Variants in PHLPP1 observed in about 807,000 individuals in gnomAD.
The protein encoded by PHLPP1 is PH domain and leucine rich repeat protein phosphatase 1.
A neutral mutation model predicts 117.2 loss-of-function variants in PHLPP1; 42 were observed. The observed-to-expected ratio is 0.36, with a 90% CI of 0.28 to 0.46. The LOEUF is 0.46. Ranked by LOEUF, PHLPP1 falls within the 20% of genes least tolerant of loss-of-function variation. PHLPP1 has a pLI of 1.00. For synonymous variants in PHLPP1, 1,042 were observed against 970.7 expected, an observed-to-expected ratio of 1.07 and a Z score of -1.37; for missense variants, 2,084 against 2,241.9, an observed-to-expected ratio of 0.93 and a Z score of 1.42.
rs375892590 is a variant in PHLPP1, at chr18:62,860,483, G to A, written c.1948G>A (p.Glu650Lys). ...SSVDLSCCSLEHLPANLFYSQ... is the reference protein window; with the variant it reads ...SSVDLSCCSLKHLPANLFYSQ... ...AGTGGACCTCTCGTGTTGTAGCCTG[G>A]AACATCTGCCTGCCAACCTCTTCTA... The change falls in exon 4 of 17, where the codon GAA becomes AAA. Residue 650 changes from glutamate to lysine, a missense_variant. Glu to Lys is a moderately conservative substitution (Grantham distance 56, BLOSUM62 1). Around this residue, in one of 2 missense-constraint regions of PHLPP1, gnomAD observed 1,365 missense variants for 1,605.9 expected, o/e 0.85. Coordinates refer to ENST00000262719, the MANE Select transcript of PHLPP1 (RefSeq NM_194449.4). 2 of 1,613,750 alleles carry A rather than the reference G, an allele frequency of 1.2e-6. No homozygotes were observed. The highest frequency in any genetic ancestry group is 1.7e-6 in the Non-Finnish European group (2 of 1,179,866).
At chr18:62,806,192 A>C (rs1281945289) in intron 1 of PHLPP1, among the ~76,000 whole-genome samples, 1 of 152,194 alleles carries the variant, frequency 6.6e-6, no homozygotes, top group African/African-American at 2.4e-5. Context: ...TGATGTATGT[A>C]TAAACACTTA....
At chr18:62,870,513 A>G (rs185181861) in intron 4 of PHLPP1, among the ~76,000 whole-genome samples, 1 of 152,328 alleles carries the variant, frequency 6.6e-6, no homozygotes, top group Admixed American at 6.5e-5. Context: ...GGTAATCTCT[A>G]ATGTATGTTT....
intron 13 of PHLPP1, among the ~76,000 whole-genome samples, chr18:62,959,767 T>A (rs1467693049): frequency 6.6e-6 from 1 of 152,210 alleles, no homozygotes; most frequent in Non-Finnish European, 1.5e-5. Flanking sequence ...AAACCAAAGT[T>A]TGAAAAGCAC....
chr18:62,948,116 G>A (rs904230180), intron 12 of PHLPP1, among the ~76,000 whole-genome samples: 3 of 152,138 alleles, frequency 2.0e-5, no homozygotes, highest in Admixed American at 2.0e-4. Context: ...CCTGAGGTCA[G>A]GCTTTTGATA....
intron 1 of PHLPP1, among the ~76,000 whole-genome samples, chr18:62,774,906 A>G (rs1011413777): frequency 6.6e-6 from 1 of 151,860 alleles, no homozygotes; most frequent in Non-Finnish European, 1.5e-5. Context: ...CTATTTATCA[A>G]CCTCCTTTTC....
chr18:62,901,535 A>G (rs1186714236), intron 6 of PHLPP1, among the ~76,000 whole-genome samples: 2 of 151,926 alleles, frequency 1.3e-5, no homozygotes, highest in African/African-American at 4.8e-5. Context: ...CATTTTCCAT[A>G]GGTTTATTTT....
chr18:62,905,637 T>G (rs887979745), intron 8 of PHLPP1, among the ~76,000 whole-genome samples: 1 of 152,206 alleles, frequency 6.6e-6, no homozygotes, highest in Non-Finnish European at 1.5e-5. Flanking sequence ...TTTCAAAATT[T>G]TTTTTCAAAC....
At chr18:62,784,411 T>G (rs972735684) in intron 1 of PHLPP1, among the ~76,000 whole-genome samples, 21 of 152,174 alleles carry the variant, frequency 1.4e-4, no homozygotes, top group African/African-American at 5.1e-4. Flanking sequence ...TATTTTAGGC[T>G]TGAGGAGGGT....
intron 2 of PHLPP1, chr18:62,838,579 G>A (rs781132661): frequency 4.1e-6 from 2 of 485,954 alleles, no homozygotes; most frequent in Non-Finnish European, 7.3e-6. Flanking sequence ...GGGAAATATA[G>A]TAAAGATAAA....
intron 1 of PHLPP1, among the ~76,000 whole-genome samples, chr18:62,780,200 A>G (rs937767882): frequency 1.3e-5 from 2 of 152,236 alleles, no homozygotes; most frequent in African/African-American, 4.8e-5. Flanking sequence ...TTAACTGAAC[A>G]TTAAAACATC....
At chr18:62,782,600 TAA>T (rs933172809) in intron 1 of PHLPP1, among the ~76,000 whole-genome samples, 4 of 152,212 alleles carry the variant, frequency 2.6e-5, no homozygotes, top group African/African-American at 7.2e-5. Flanking sequence ...ATATTAACTA[TAA>T]GTGTTATATA....
At chr18:62,719,253 A>C (rs1910846597) in intron 1 of PHLPP1, among the ~76,000 whole-genome samples, 1 of 152,192 alleles carries the variant, frequency 6.6e-6, no homozygotes, top group Non-Finnish European at 1.5e-5. Context: ...CTAGAAGAAA[A>C]ATGCCTGATT....
At chr18:62,756,327 C>T (rs1163409229) in intron 1 of PHLPP1, among the ~76,000 whole-genome samples, 1 of 152,134 alleles carries the variant, frequency 6.6e-6, no homozygotes, top group Non-Finnish European at 1.5e-5. Flanking sequence ...TACCCAGCCA[C>T]CAGGGAGCTA....
At chr18:62,892,824 C>T (rs573295937) in intron 4 of PHLPP1, among the ~76,000 whole-genome samples, 144 of 147,910 alleles carry the variant, frequency 9.7e-4, no homozygotes, top group Middle Eastern at 3.6e-3. Context: ...TGCAGTGAGC[C>T]GAGATCGCAC....
Position 62,972,577 on chromosome 18 carries a change from G to A in PHLPP1, c.3624G>A (p.Val1208=), listed in dbSNP as rs763861479. 1.2e-6 allele frequency: 2 copies of A among 1,613,902 alleles called. No homozygotes were observed. The highest frequency in any genetic ancestry group is 2.2e-5 in the South Asian group (2 of 91,072). The change falls in exon 15 of 17, where the codon GTG becomes GTA. Residue 1208 remains valine (V), a synonymous_variant. Transcript: ENST00000262719. ...ACAACCGCGAAGCCCTGTATGGTGT[G>A]TTTGACGGAGACCGGAATGTGGAGG... ...FCDNREALYG[V]FDGDRNVEVP...
intron 13 of PHLPP1, 80 bp from the exon 14 acceptor site, chr18:62,963,288 T>C: frequency 1.1e-6 from 1 of 913,376 alleles, no homozygotes; most frequent in Non-Finnish European, 1.7e-6. Flanking sequence ...CAGGTGTATT[T>C]TTTATTTCTT....
At chr18:62,727,703 A>G (rs867413996) in intron 1 of PHLPP1, among the ~76,000 whole-genome samples, 1 of 151,798 alleles carries the variant, frequency 6.6e-6, no homozygotes, top group Non-Finnish European at 1.5e-5. Flanking sequence ...ATTAAAATCT[A>G]CAATATGGAG....
chr18:62,882,551 G>T (rs949794529), intron 4 of PHLPP1, among the ~76,000 whole-genome samples: 1 of 152,146 alleles, frequency 6.6e-6, no homozygotes, highest in Non-Finnish European at 1.5e-5. Context: ...GAGCCACCGC[G>T]CCCGGCCATT....
intron 14 of PHLPP1, 99 bp from the exon 15 acceptor site, chr18:62,972,415 G>A: frequency 9.3e-7 from 1 of 1,078,608 alleles, no homozygotes; most frequent in Non-Finnish European, 1.3e-6. Context: ...CATGAAGAAA[G>A]AGACAAAACT....
Sources: gnomAD v4.1 joint callset for allele counts (sites outside exome capture counted in the v4.1 genomes callset) on GRCh38, gnomAD v4.1.1 for gene constraint, gnomAD v4.1.1 regional missense constraint, MANE v1.5 for transcripts, NCBI Gene and HGNC (gene_info 2026-07-23, HGNC 2026-07-21) for gene names.